SLC25A14: variants seen among roughly 807,000 people sequenced by gnomAD.
SLC25A14 encodes solute carrier family 25 member 14.
In SLC25A14, 8 loss-of-function variants were observed where a neutral mutation model predicts 28.1. The observed-to-expected ratio is 0.28, with a 90% CI of 0.17 to 0.51. The LOEUF (loss-of-function observed/expected upper bound fraction) is 0.51. SLC25A14 is among the 20% of genes least tolerant of loss of function. SLC25A14 has a pLI of 0.97. For missense variants in SLC25A14, 135 were observed against 263.8 expected (o/e 0.51, Z 3.38); for synonymous variants, 74 against 90.6 (o/e 0.82, Z 1.04).
intron 5 of SLC25A14, among the ~76,000 whole-genome samples, chrX:130,350,025 T>C (rs1029897979): frequency 8.9e-6 from 1 of 111,738 alleles, no homozygotes; most frequent in African/African-American, 3.2e-5. Flanking sequence ...TTGTGGGGTC[T>C]TCATGGTGTG....
chrX:130,351,206 T>C (rs1275381037), intron 6 of SLC25A14, among the ~76,000 whole-genome samples: 1 of 111,838 alleles, frequency 8.9e-6, no homozygotes, highest in Non-Finnish European at 1.9e-5. Context: ...TAAATCTTGG[T>C]ATGGTATGTT....
At chrX:130,358,115 T>C (rs771992928) in intron 6 of SLC25A14, among the ~76,000 whole-genome samples, 1 of 112,128 alleles carries the variant, frequency 8.9e-6, no homozygotes, top group East Asian at 2.8e-4. Flanking sequence ...TATTTTTAAG[T>C]TTACATGTTT....
chrX:130,355,673 G>C lies in SLC25A14; in HGVS notation c.499-2967G>C, dbSNP rs749750263. ...TAATCTATGTTCACATTTCCAGACT[G>C]TCTTATATTTTACAGTTGATTTGTT... On this transcript the variant is annotated intron_variant, in intron 6 of 10. Transcript: ENST00000545805. Among the ~76,000 whole-genome samples the C allele has an allele frequency of 5.4e-5, 6 of 111,900 alleles. No individual in the cohort carries two copies. The South Asian group carries it at 2.2e-3, about 42-fold the overall frequency.
chrX:130,340,018 TGGGCCGCGCCAGGCCGCGCGGGGCC>T (rs950710558), intron 1 of SLC25A14, 42 bp downstream of exon 1: 118 of 979,383 alleles, frequency 1.2e-4, no homozygotes, highest in Non-Finnish European at 1.4e-4. Context: ...GGAGCGGGGC[TGGGCCGCGCCAGGCCGCGCGGGGCC>T]GGGCTGGCCT....
At chrX:130,355,263 C>T (rs983735357) in intron 6 of SLC25A14, among the ~76,000 whole-genome samples, 60 of 111,900 alleles carry the variant, frequency 5.4e-4, no homozygotes, top group Admixed American at 5.3e-3. Flanking sequence ...ATAGCAGTTC[C>T]GAGGAAATAG....
chrX:130,345,138 G>A (rs2033389129), intron 2 of SLC25A14, 44 bp from the exon 3 acceptor site: 1 of 870,992 alleles, frequency 1.1e-6, no homozygotes, highest in Non-Finnish European at 1.7e-6. Flanking sequence ...GCTAACAAAT[G>A]CTCCTCACTC....
In SLC25A14 at chrX:130,340,307, T is replaced by C; in HGVS notation, c.29T>C (p.Ile10Thr). The part of the protein sequence containing the change: MGIFPGIIL[I>T]FLRVKFATAA... Reference sequence around the variant, plus strand: ...GGTATCTTTCCCGGAATAATCCTAATTTTTCTAAGGGTGAAGTTTGCAACG... The same window carrying C: ...GGTATCTTTCCCGGAATAATCCTAACTTTTCTAAGGGTGAAGTTTGCAACG... Residue 10 changes from isoleucine (I) to threonine (T), a missense_variant, in exon 2 of 11, where the codon ATT (isoleucine) becomes ACT (threonine). Coordinates refer to ENST00000545805, the MANE Select transcript of SLC25A14 (RefSeq NM_001282195.2). 2 of 1,211,130 alleles carry C rather than the reference T, an allele frequency of 1.7e-6. No individual in the cohort carries two copies. Among genetic ancestry groups the C allele is most frequent in the Admixed American group, 4.3e-5 (2 of 46,030 alleles).
chrX:130,361,182 T>C (rs964844574), intron 7 of SLC25A14, among the ~76,000 whole-genome samples: 22 of 112,677 alleles, frequency 2.0e-4, no homozygotes, highest in African/African-American at 6.8e-4. Flanking sequence ...CATTCAACCA[T>C]TGATGGACAT....
At chrX:130,355,381 T>G (rs1444565762) in intron 6 of SLC25A14, among the ~76,000 whole-genome samples, 3 of 112,385 alleles carry the variant, frequency 2.7e-5, no homozygotes, top group Non-Finnish European at 5.6e-5. Flanking sequence ...AATATGTAGT[T>G]TTGGAGAAAC....
In SLC25A14 at chrX:130,356,946, T is replaced by C. The variant is rs145490015; in HGVS notation, c.499-1694T>C. 7.1e-3 allele frequency among the ~76,000 whole-genome samples: 795 copies of C among 111,674 alleles called. 10 individuals carry two copies. The highest frequency in any genetic ancestry group is 0.024 in the African/African-American group (750 of 30,764). The stretch of plus-strand genomic sequence containing the variant: ...GTGTGTACCCCACTCCCTCAACCCA[T>C]CTCCAGATGAAGCTGGAGAGATCTA... On this transcript the variant is annotated intron_variant, in intron 6 of 10. Transcript: ENST00000545805.
chrX:130,348,340 G>A (rs1251325587), intron 4 of SLC25A14, among the ~76,000 whole-genome samples: 1 of 110,480 alleles, frequency 9.1e-6, no homozygotes, highest in Non-Finnish European at 1.9e-5. Flanking sequence ...ATTTGGGGAC[G>A]ATACAAACAT....
chrX:130,352,993 A>T (rs2033665053), intron 6 of SLC25A14, among the ~76,000 whole-genome samples: 1 of 112,348 alleles, frequency 8.9e-6, no homozygotes, highest in Admixed American at 9.4e-5. Flanking sequence ...CCCAAGGCCA[A>T]TGCCCAGAAT....
intron 2 of SLC25A14, among the ~76,000 whole-genome samples, chrX:130,343,034 C>G (rs1186420193): frequency 1.8e-5 from 2 of 111,484 alleles, no homozygotes; most frequent in East Asian, 5.6e-4. Flanking sequence ...ACTGATTCAT[C>G]ATTGCTCCCT....
chrX:130,348,374 G>A (rs1303198289), intron 4 of SLC25A14, among the ~76,000 whole-genome samples: 3 of 110,746 alleles, frequency 2.7e-5, no homozygotes, highest in Non-Finnish European at 5.7e-5. Flanking sequence ...ATGGGTATGA[G>A]TTTTATTCAG....
chrX:130,342,286 CTT>C (rs1208451983), intron 2 of SLC25A14, among the ~76,000 whole-genome samples: 1 of 111,776 alleles, frequency 8.9e-6, no homozygotes, highest in Admixed American at 9.5e-5. Flanking sequence ...ATGTAGACAA[CTT>C]TATGTAAAAG....
intron 9 of SLC25A14, among the ~76,000 whole-genome samples, chrX:130,371,057 C>T (rs111564824): frequency 0.03 from 3,406 of 111,746 alleles, 114 homozygotes; most frequent in African/African-American, 0.1. Context: ...CTGGAGCCCT[C>T]AGTTCCTCAC....
intron 6 of SLC25A14, among the ~76,000 whole-genome samples, chrX:130,356,521 G>A (rs773577587): frequency 9.0e-6 from 1 of 111,016 alleles, no homozygotes; most frequent in Non-Finnish European, 1.9e-5. Flanking sequence ...GAGCCACTGC[G>A]CCTGGCCAAG....
rs142099426 is a variant in SLC25A14, at chrX:130,366,443, G to A, written c.855+767G>A. Among the ~76,000 whole-genome samples the A allele has an allele frequency of 9.2e-3, 1,031 of 111,967 alleles. 20 individuals are homozygous for A. Among genetic ancestry groups the A allele is most frequent in the African/African-American group, 0.032 (972 of 30,811 alleles). ...TTTGTGTGTCAGCAACTGTCCTTAT[G>A]AGACTTATGTGTATTCGTTCATTGA... On this transcript the variant is annotated intron_variant, in intron 9 of 10. Transcript: ENST00000545805.
intron 7 of SLC25A14, among the ~76,000 whole-genome samples, chrX:130,360,087 T>C (rs1258356510): frequency 3.7e-5 from 4 of 108,026 alleles, no homozygotes; most frequent in Non-Finnish European, 7.7e-5. Flanking sequence ...TTTTCTTTTT[T>C]TTTTTGACAG....
Sources: gnomAD v4.1 joint callset for allele counts (sites outside exome capture counted in the v4.1 genomes callset) on GRCh38, gnomAD v4.1.1 for gene constraint, MANE v1.5 for transcripts, NCBI Gene and HGNC (gene_info 2026-07-23, HGNC 2026-07-21) for gene names.